ARHGAP6: variants seen among roughly 807,000 people sequenced by gnomAD.
ARHGAP6 encodes the protein rho GTPase-activating protein 6.
A neutral mutation model predicts 55.7 loss-of-function variants in ARHGAP6; 16 were observed. That is an observed-to-expected ratio of 0.29 (90% CI 0.19 to 0.44). The LOEUF (loss-of-function observed/expected upper bound fraction) is 0.44, where lower values mean the gene tolerates loss of function less well. ARHGAP6 is among the 20% of genes least tolerant of loss of function. The pLI, the probability that ARHGAP6 is intolerant of heterozygous loss-of-function variation, is 1.00. For missense variants in ARHGAP6, 698 were observed against 808.9 expected, an observed-to-expected ratio of 0.86 and a Z score of 1.66; for synonymous variants, 382 against 360.9, an observed-to-expected ratio of 1.06 and a Z score of -0.66.
At chrX:11,240,327 C>T (rs771271063) in intron 2 of ARHGAP6, among the ~76,000 whole-genome samples, 1 of 112,006 alleles carries the variant, frequency 8.9e-6, no homozygotes, top group East Asian at 2.8e-4. Context: ...TGGATAGCAG[C>T]TCTGATAGAA....
intron 1 of ARHGAP6, among the ~76,000 whole-genome samples, chrX:11,338,634 T>C (rs1460327052): frequency 9.8e-5 from 11 of 112,256 alleles, no homozygotes; most frequent in Non-Finnish European, 1.5e-4. Context: ...AATTTTTCAC[T>C]TCTCAATTGC....
intron 1 of ARHGAP6, among the ~76,000 whole-genome samples, chrX:11,358,135 C>T (rs1186374138): frequency 8.9e-6 from 1 of 112,168 alleles, no homozygotes; most frequent in Non-Finnish European, 1.9e-5. Flanking sequence ...TCCAGTCATA[C>T]AATATGTAGC....
intron 1 of ARHGAP6, among the ~76,000 whole-genome samples, chrX:11,608,085 C>T (rs1165582012): frequency 1.8e-5 from 2 of 111,815 alleles, no homozygotes; most frequent in Admixed American, 9.5e-5. Context: ...CTCCCACTTA[C>T]TACCATTGCA....
intron 1 of ARHGAP6, among the ~76,000 whole-genome samples, chrX:11,655,479 T>C (rs2052627826): frequency 1.8e-5 from 2 of 112,143 alleles, no homozygotes; most frequent in Admixed American, 9.5e-5. Flanking sequence ...AGCTGCTGCG[T>C]CATGTTACAT....
At chrX:11,508,402 C>T (rs1179877596) in intron 1 of ARHGAP6, among the ~76,000 whole-genome samples, 4 of 111,378 alleles carry the variant, frequency 3.6e-5, no homozygotes, top group Non-Finnish European at 7.5e-5. Context: ...ATCTGAAATT[C>T]AAATTCACCT....
chrX:11,283,440 T>G (rs1468777745), intron 1 of ARHGAP6, among the ~76,000 whole-genome samples: 1 of 111,786 alleles, frequency 8.9e-6, no homozygotes, highest in Non-Finnish European at 1.9e-5. Context: ...CAAATTTTGC[T>G]GGAGAATAAA....
At chrX:11,658,255 T>C (rs2052660337) in intron 1 of ARHGAP6, among the ~76,000 whole-genome samples, 1 of 111,825 alleles carries the variant, frequency 8.9e-6, no homozygotes, top group Admixed American at 9.5e-5. Context: ...CTCAAAATGT[T>C]GGTGAAAACT....
At chrX:11,464,119 T>C (rs2050271035) in intron 1 of ARHGAP6, among the ~76,000 whole-genome samples, 1 of 112,353 alleles carries the variant, frequency 8.9e-6, no homozygotes, top group Non-Finnish European at 1.9e-5. Flanking sequence ...ACACATTGTT[T>C]ACATGCAAAA....
chrX:11,174,359 A>G (rs977539810), intron 8 of ARHGAP6, among the ~76,000 whole-genome samples: 3 of 111,424 alleles, frequency 2.7e-5, no homozygotes, highest in Non-Finnish European at 5.7e-5. Flanking sequence ...CCCTAATTCT[A>G]TATTTGCCTT....
chrX:11,182,142 A>G (rs2046322420), intron 5 of ARHGAP6, 24 bp from the exon 6 acceptor site: 3 of 1,177,596 alleles, frequency 2.5e-6, no homozygotes, highest in South Asian at 1.8e-5. Flanking sequence ...AACAAAATGA[A>G]CAGTCTTGTT....
intron 2 of ARHGAP6, among the ~76,000 whole-genome samples, chrX:11,219,021 T>C (rs1216712292): frequency 2.1e-5 from 2 of 95,150 alleles, no homozygotes; most frequent in Non-Finnish European, 4.3e-5. Context: ...ATATCTCCCA[T>C]TGCTATCCCT....
intron 1 of ARHGAP6, among the ~76,000 whole-genome samples, chrX:11,409,552 G>A (rs2049654905): frequency 8.9e-6 from 1 of 112,376 alleles, no homozygotes; most frequent in Non-Finnish European, 1.9e-5. Context: ...AGATTCTCAA[G>A]CAAGGAGAGG....
chrX:11,252,982 C>A (rs1290650092), intron 2 of ARHGAP6, among the ~76,000 whole-genome samples: 1 of 112,078 alleles, frequency 8.9e-6, no homozygotes, highest in Non-Finnish European at 1.9e-5. Flanking sequence ...GACCTCCAAG[C>A]CAGCATTCTT....
intron 1 of ARHGAP6, among the ~76,000 whole-genome samples, chrX:11,561,513 G>A (rs2051383944): frequency 8.9e-6 from 1 of 111,957 alleles, no homozygotes; most frequent in African/African-American, 3.2e-5. Flanking sequence ...GGTAGACTCA[G>A]GACTAGAGAT....
intron 2 of ARHGAP6, among the ~76,000 whole-genome samples, chrX:11,233,824 A>T (rs943603102): frequency 1.8e-5 from 2 of 112,318 alleles, no homozygotes; most frequent in African/African-American, 6.5e-5. Flanking sequence ...TACACCTGTA[A>T]ATCTTAAAAA....
intron 1 of ARHGAP6, among the ~76,000 whole-genome samples, chrX:11,417,292 T>C (rs1220459255): frequency 9.4e-6 from 1 of 106,295 alleles, no homozygotes; most frequent in African/African-American, 3.5e-5. Context: ...TGTCATCTTA[T>C]GGAGACAGTT....
chrX:11,409,662 A>C (rs1400587319), intron 1 of ARHGAP6, among the ~76,000 whole-genome samples: 1 of 112,891 alleles, frequency 8.9e-6, no homozygotes, highest in Non-Finnish European at 1.9e-5. Flanking sequence ...ATCTGGTTTT[A>C]AATTCATATG....
At chrX:11,563,203 G>A (rs1459948574) in intron 1 of ARHGAP6, among the ~76,000 whole-genome samples, 2 of 111,486 alleles carry the variant, frequency 1.8e-5, no homozygotes, top group African/African-American at 6.5e-5. Flanking sequence ...AAATAAAAAT[G>A]ATATTAAGTG....
chrX:11,568,693 G>A (rs2051476293), intron 1 of ARHGAP6, among the ~76,000 whole-genome samples: 1 of 107,777 alleles, frequency 9.3e-6, no homozygotes, highest in Non-Finnish European at 1.9e-5. Flanking sequence ...AAGGGTAGAG[G>A]TTGCAGTGAG....
Sources: allele counts gnomAD v4.1 joint callset (sites outside exome capture counted in the v4.1 genomes callset), GRCh38; gene constraint gnomAD v4.1.1; transcripts MANE v1.5; gene names NCBI Gene and HGNC (gene_info 2026-07-23, HGNC 2026-07-21).